CSMD3: variants seen among roughly 807,000 people sequenced by gnomAD.
CSMD3 encodes CUB and Sushi multiple domains 3.
A neutral mutation model predicts 435.2 loss-of-function variants in CSMD3; 177 were observed. That is an observed-to-expected ratio of 0.41 (90% CI 0.36 to 0.46). The LOEUF is 0.46. CSMD3 is among the 20% of genes least tolerant of loss of function. The pLI, the probability that CSMD3 is intolerant of heterozygous loss-of-function variation, is 0.34. For synonymous variants in CSMD3, 1,656 were observed against 1,520.5 expected (o/e 1.09, Z -2.07); for missense variants, 4,265 against 4,504.6 (o/e 0.95, Z 1.52).
intron 11 of CSMD3, among the ~76,000 whole-genome samples, chr8:112,844,970 T>A (rs1432724823): frequency 6.6e-6 from 1 of 152,020 alleles, no homozygotes; most frequent in Non-Finnish European, 1.5e-5. Flanking sequence ...GATTCCGGTA[T>A]AATCATAATA....
intron 13 of CSMD3, among the ~76,000 whole-genome samples, chr8:112,743,566 TA>T: frequency 6.6e-6 from 1 of 151,946 alleles, no homozygotes; most frequent in African/African-American, 2.4e-5. Flanking sequence ...TACAAAAACT[TA>T]AAAAAATCCT....
intron 10 of CSMD3, among the ~76,000 whole-genome samples, chr8:112,872,124 AAC>A (rs2081153303): frequency 6.6e-6 from 1 of 152,044 alleles, no homozygotes; most frequent in Admixed American, 6.6e-5. Context: ...GAAATATACA[AAC>A]ACAAGTATCT....
intron 32 of CSMD3, among the ~76,000 whole-genome samples, chr8:112,462,135 G>C (rs576072098): frequency 6.6e-6 from 1 of 152,100 alleles, no homozygotes; most frequent in Non-Finnish European, 1.5e-5. Context: ...CCACTATTTC[G>C]CAGTAACCGC....
chr8:113,028,134 A>C (rs1250226378), intron 5 of CSMD3, among the ~76,000 whole-genome samples: 1 of 152,102 alleles, frequency 6.6e-6, no homozygotes. Context: ...TCCATGTCAC[A>C]TTTTAATAAT....
intron 13 of CSMD3, among the ~76,000 whole-genome samples, chr8:112,786,476 A>C (rs1294789799): frequency 6.6e-6 from 1 of 152,096 alleles, no homozygotes; most frequent in Non-Finnish European, 1.5e-5. Context: ...GGGTGAAGAG[A>C]AAACACACAA....
intron 10 of CSMD3, among the ~76,000 whole-genome samples, chr8:112,910,481 C>T (rs189050039): frequency 3.0e-4 from 46 of 151,864 alleles, no homozygotes; most frequent in Non-Finnish European, 4.4e-4. Flanking sequence ...ATACCTTCAT[C>T]GGCTCCTTCC....
At chr8:112,358,363 G>A (rs1451136209) in intron 38 of CSMD3, among the ~76,000 whole-genome samples, 1 of 152,152 alleles carries the variant, frequency 6.6e-6, no homozygotes. Context: ...GCTGAAATTA[G>A]TTAAGACTTT....
chr8:112,649,484 T>G (rs1418984421), intron 19 of CSMD3, among the ~76,000 whole-genome samples: 1 of 152,166 alleles, frequency 6.6e-6, no homozygotes, highest in Non-Finnish European at 1.5e-5. Context: ...AAATAGAAAT[T>G]AAAACCCATA....
chr8:113,391,843 A>T (rs1234879479), intron 1 of CSMD3, among the ~76,000 whole-genome samples: 1 of 151,994 alleles, frequency 6.6e-6, no homozygotes, highest in Non-Finnish European at 1.5e-5. Flanking sequence ...AAGAAGAGGA[A>T]GTAAAAAGGA....
At chr8:112,821,668 T>A (rs1678984400) in intron 12 of CSMD3, among the ~76,000 whole-genome samples, 1 of 152,228 alleles carries the variant, frequency 6.6e-6, no homozygotes, top group Non-Finnish European at 1.5e-5. Flanking sequence ...ATCCCATTTG[T>A]CAATTTTGGC....
chr8:112,743,180 A>G (rs1012525785), intron 13 of CSMD3, among the ~76,000 whole-genome samples: 2 of 152,050 alleles, frequency 1.3e-5, no homozygotes, highest in Non-Finnish European at 2.9e-5. Context: ...ATGATATTAA[A>G]AATAGCAAAC....
rs116116434 is a variant in CSMD3 at position 112,982,937 on chromosome 8, T to C, written c.1031-6789A>G. Among the ~76,000 whole-genome samples the C allele has an allele frequency of 8.0e-3, 1,216 of 152,062 alleles. 17 individuals carry two copies. The highest frequency in any genetic ancestry group is 0.027 in the African/African-American group (1,139 of 41,546). ...AAAACACACTTATAACATACTTTTG[T>C]TTTATATTTCATGTGCTAGAATAGA... On this transcript the variant is annotated intron_variant, in intron 6 of 70. Coordinates refer to ENST00000297405, the MANE Select transcript of CSMD3 (RefSeq NM_198123.2).
At chr8:112,520,666 A>G (rs953536394) in intron 27 of CSMD3, among the ~76,000 whole-genome samples, 3 of 152,016 alleles carry the variant, frequency 2.0e-5, no homozygotes, top group Non-Finnish European at 4.4e-5. Flanking sequence ...AGGCAAGGTT[A>G]TATTTGTGGT....
chr8:112,879,310 C>T (rs1158410080), intron 10 of CSMD3, among the ~76,000 whole-genome samples: 2 of 152,064 alleles, frequency 1.3e-5, no homozygotes, highest in Admixed American at 1.3e-4. Context: ...TCCTGCAGTG[C>T]CCCCAGGCTT....
intron 9 of CSMD3, among the ~76,000 whole-genome samples, chr8:112,942,475 G>C (rs917568663): frequency 2.6e-5 from 4 of 151,660 alleles, no homozygotes; most frequent in African/African-American, 9.7e-5. Flanking sequence ...ATGATCATTA[G>C]TGATAGACTG....
intron 2 of CSMD3, among the ~76,000 whole-genome samples, chr8:113,279,728 A>G (rs1004207389): frequency 5.3e-5 from 8 of 151,766 alleles, no homozygotes; most frequent in Admixed American, 5.3e-4. Context: ...ATTTGAGGTA[A>G]CTTGTTTTAC....
chr8:112,339,461 C>G (rs985568239), intron 42 of CSMD3, among the ~76,000 whole-genome samples: 2 of 151,994 alleles, frequency 1.3e-5, no homozygotes, highest in African/African-American at 4.8e-5. Context: ...AGCCACTGAT[C>G]GGCCTGCTCC....
At chr8:112,710,534 C>CT (rs35963713) in intron 13 of CSMD3, among the ~76,000 whole-genome samples, 1 of 151,732 alleles carries the variant, frequency 6.6e-6, no homozygotes, top group South Asian at 2.1e-4. Flanking sequence ...GAAATTACAA[C>CT]TTTTTTTTCT....
rs150700096 is a variant in CSMD3, at chr8:112,387,682, A to G, written c.5934+2982T>C. ...ACTCAAATTTTGTTTTCTAAAGTAC[A>G]GTCAATAAACAAAGTCCTTCCTCAG... On this transcript the variant is annotated intron_variant, in intron 36 of 70. Transcript: ENST00000297405. Among the ~76,000 whole-genome samples, 762 of 152,304 alleles carry G rather than the reference A, an allele frequency of 5.0e-3. 7 individuals carry two copies. The highest frequency in any genetic ancestry group is 0.017 in the African/African-American group (720 of 41,550).
Sources: allele counts gnomAD v4.1 joint callset (sites outside exome capture counted in the v4.1 genomes callset), GRCh38; gene constraint gnomAD v4.1.1; transcripts MANE v1.5; gene names NCBI Gene and HGNC (gene_info 2026-07-23, HGNC 2026-07-21).